The following GALNT13 variants were observed in gnomAD, a reference collection of about 807,000 sequenced individuals.
GALNT13 encodes the protein UDP-GalNAc:polypeptide N-acetylgalactosaminyltransferase 13.
Under a neutral mutation model 64.2 loss-of-function variants are expected in GALNT13, and 28 were observed. That is an observed-to-expected ratio of 0.44 (90% confidence interval 0.32 to 0.60). The LOEUF (loss-of-function observed/expected upper bound fraction) is 0.60, where lower values mean the gene tolerates loss of function less well. Among genes scored for constraint, GALNT13 ranks in the 20% least tolerant of loss-of-function variants. The probability of loss-of-function intolerance (pLI) is 0.05; values close to 1 mark genes in which losing one functional copy is unlikely to be tolerated. For missense variants in GALNT13, 577 were observed against 669.8 expected (o/e 0.86, Z 1.53); for synonymous variants, 214 against 224.6 (o/e 0.95, Z 0.42).
intron 7 of GALNT13, among the ~76,000 whole-genome samples, chr2:154,258,728 G>C (rs563061053): frequency 6.6e-6 from 1 of 151,122 alleles, no homozygotes; most frequent in Admixed American, 6.6e-5. Context: ...ACCTCTCTTC[G>C]CTATGATTTT....
At chr2:153,921,326 TGG>T (rs1318822322) in intron 2 of GALNT13, among the ~76,000 whole-genome samples, 4 of 152,020 alleles carry the variant, frequency 2.6e-5, no homozygotes, top group Non-Finnish European at 5.9e-5. Flanking sequence ...ATAACATGGA[TGG>T]AGCTGGATAC....
the GALNT13 span, among the ~76,000 whole-genome samples, chr2:153,137,722 CA>C: frequency 0.034 from 3,624 of 105,344 alleles, 90 homozygotes; most frequent in African/African-American, 0.093. Context: ...GATGGAGCCT[CA>C]AAAAAAAAAA....
the GALNT13 span, among the ~76,000 whole-genome samples, chr2:153,592,590 A>C: frequency 6.6e-6 from 1 of 152,216 alleles, no homozygotes; most frequent in South Asian, 2.1e-4. Flanking sequence ...AACAAGCCAG[A>C]CACAGAAAGA....
chr2:153,739,058 A>C, the GALNT13 span, among the ~76,000 whole-genome samples: 1 of 151,910 alleles, frequency 6.6e-6, no homozygotes, highest in African/African-American at 2.4e-5. Context: ...TTTTGAAATA[A>C]ATTGAATGTA....
At chr2:154,091,016 G>T (rs1701777697) in intron 3 of GALNT13, among the ~76,000 whole-genome samples, 1 of 151,650 alleles carries the variant, frequency 6.6e-6, no homozygotes, top group South Asian at 2.1e-4. Context: ...CCAATTGTTT[G>T]CAGTAGCTAT....
chr2:154,099,022 A>G (rs11895917), intron 3 of GALNT13, among the ~76,000 whole-genome samples: 46,838 of 151,894 alleles, frequency 0.31, 7,657 homozygotes, highest in Non-Finnish European at 0.37. Context: ...GGTTATGCCA[A>G]TTTACATTCC....
chr2:154,244,984 G>A (rs1200614040), intron 6 of GALNT13, among the ~76,000 whole-genome samples: 1 of 151,822 alleles, frequency 6.6e-6, no homozygotes, highest in Non-Finnish European at 1.5e-5. Flanking sequence ...AGCCAGGTAT[G>A]ATGGCAGGCA....
the GALNT13 span, among the ~76,000 whole-genome samples, chr2:153,708,796 G>A: frequency 6.6e-6 from 1 of 151,978 alleles, no homozygotes; most frequent in Admixed American, 6.6e-5. Flanking sequence ...ATAAACATAG[G>A]CACATTGACC....
chr2:153,125,973 T>A, the GALNT13 span, among the ~76,000 whole-genome samples: 1 of 152,158 alleles, frequency 6.6e-6, no homozygotes, highest in South Asian at 2.1e-4. Flanking sequence ...GTCCGGTGAT[T>A]ATGAAGTTCG....
Position 154,310,644 on chromosome 2 carries a change from A to G in GALNT13, c.1156+9055A>G, listed in dbSNP as rs115727685. On this transcript the variant is annotated intron_variant, in intron 9 of 12. Transcript: ENST00000392825. The stretch of plus-strand genomic sequence containing the variant: ...GGTTTCAGTTGTCCCTTACTACAAA[A>G]AAGTTACAGAAACCCTCCTGTAACA... Among the ~76,000 whole-genome samples, 284 of 152,238 alleles carry G rather than the reference A, an allele frequency of 1.9e-3. 1 individual carries two copies. The highest frequency in any genetic ancestry group is 6.3e-3 in the African/African-American group (262 of 41,556).
chr2:154,179,042 C>T lies in GALNT13; in HGVS notation c.311+38537C>T, dbSNP rs1685813256. ...TAAAACTCTTTTACCATGGCGTTCC[C>T]TTTGGTAAGATTTCCTTTATTGCCA... On this transcript the variant is annotated intron_variant, in intron 4 of 12. Transcript: ENST00000392825. 1.3e-5 allele frequency among the ~76,000 whole-genome samples: 2 copies of T among 152,120 alleles called. 1 individual carries two copies. Among genetic ancestry groups the T allele is most frequent in the African/African-American group, 4.8e-5 (2 of 41,418 alleles).
the GALNT13 span, among the ~76,000 whole-genome samples, chr2:153,195,138 T>C: frequency 6.6e-6 from 1 of 151,792 alleles, no homozygotes; most frequent in Non-Finnish European, 1.5e-5. Flanking sequence ...GATGTGTGAG[T>C]TCTTGGGTCT....
chr2:154,259,520 T>G (rs1309296613), intron 8 of GALNT13, among the ~76,000 whole-genome samples: 2 of 152,140 alleles, frequency 1.3e-5, no homozygotes, highest in Non-Finnish European at 2.9e-5. Flanking sequence ...CTCAGGTTGT[T>G]CTCAGAAAAC....
the GALNT13 span, among the ~76,000 whole-genome samples, chr2:153,440,101 AG>A: frequency 1.4e-5 from 2 of 145,644 alleles, no homozygotes. Flanking sequence ...TCCCTCCCCT[AG>A]CCCCCCACCC....
intron 4 of GALNT13, among the ~76,000 whole-genome samples, chr2:154,183,556 A>T (rs907321178): frequency 6.6e-6 from 1 of 152,072 alleles, no homozygotes; most frequent in Non-Finnish European, 1.5e-5. Flanking sequence ...ACAAAAAAAT[A>T]AAAACATTAG....
At chr2:154,205,733 A>T (rs1322779445) in intron 4 of GALNT13, among the ~76,000 whole-genome samples, 5 of 152,090 alleles carry the variant, frequency 3.3e-5, no homozygotes. Flanking sequence ...CATTTTTAAA[A>T]CCATCAGATC....
chr2:154,298,491 A>T (rs1307299672), intron 8 of GALNT13, among the ~76,000 whole-genome samples: 6 of 88,780 alleles, frequency 6.8e-5, no homozygotes, highest in Non-Finnish European at 1.2e-4. Context: ...TTATATATAA[A>T]TTATATATAC....
At chr2:153,914,174 T>G (rs2105322208) in intron 2 of GALNT13, among the ~76,000 whole-genome samples, 1 of 152,312 alleles carries the variant, frequency 6.6e-6, no homozygotes, top group South Asian at 2.1e-4. Context: ...TCCAGAACAA[T>G]GCTGAATGAA....
chr2:154,210,008 C>G (rs965489208), intron 4 of GALNT13, among the ~76,000 whole-genome samples: 1 of 152,144 alleles, frequency 6.6e-6, no homozygotes, highest in African/African-American at 2.4e-5. Context: ...CCCTTTTCCA[C>G]CACCTCTCAG....
Sources: gnomAD v4.1 joint callset for allele counts (sites outside exome capture counted in the v4.1 genomes callset) on GRCh38, gnomAD v4.1.1 for gene constraint, MANE v1.5 for transcripts, NCBI Gene and HGNC (gene_info 2026-07-23, HGNC 2026-07-21) for gene names.